The following GPC5 variants were observed in gnomAD, a reference collection of about 807,000 sequenced individuals.
GPC5 encodes glypican-5.
A neutral mutation model predicts 53.9 loss-of-function variants in GPC5; 47 were observed. That is an observed-to-expected ratio of 0.87 (90% CI 0.69 to 1.11). GPC5 has a LOEUF of 1.11. Among genes scored for constraint, GPC5 ranks in the 50% most tolerant of loss-of-function variants. The pLI is 0.00. For synonymous variants in GPC5, 286 were observed against 263.3 expected (o/e 1.09, Z -0.84); for missense variants, 748 against 713.1 (o/e 1.05, Z -0.56).
intron 6 of GPC5, among the ~76,000 whole-genome samples, chr13:91,931,516 T>G (rs561422686): frequency 6.6e-6 from 1 of 152,144 alleles, no homozygotes; most frequent in South Asian, 2.1e-4. Flanking sequence ...GGAATTTCTG[T>G]GCCTACTTGA....
chr13:91,728,463 T>C, intron 3 of GPC5, 69 bp from the exon 4 acceptor site: 1 of 1,500,304 alleles, frequency 6.7e-7, no homozygotes, highest in Non-Finnish European at 9.0e-7. Flanking sequence ...TTGGGCCCTA[T>C]GAAACATCAC....
At chr13:91,729,527 T>C (rs2036648800) in intron 4 of GPC5, among the ~76,000 whole-genome samples, 2 of 152,170 alleles carry the variant, frequency 1.3e-5, no homozygotes, top group South Asian at 4.1e-4. Context: ...CACATAAGCT[T>C]TCTATAATCT....
intron 6 of GPC5, among the ~76,000 whole-genome samples, chr13:92,131,587 A>G (rs2041743702): frequency 6.6e-6 from 1 of 152,066 alleles, no homozygotes; most frequent in Non-Finnish European, 1.5e-5. Flanking sequence ...GAGCATGTAT[A>G]CTGCATGATA....
chr13:92,264,878 CTGTGTGTGTGTGTG>C (rs71815584), intron 7 of GPC5, among the ~76,000 whole-genome samples: 10,072 of 104,644 alleles, frequency 0.096, 404 homozygotes, highest in Middle Eastern at 0.15. Flanking sequence ...CTCTCTCTCT[CTGTGTGTGTGTGTG>C]TGTGTGTGTG....
chr13:92,614,959 A>G (rs923281545), intron 7 of GPC5, among the ~76,000 whole-genome samples: 8 of 152,222 alleles, frequency 5.3e-5, no homozygotes, highest in African/African-American at 1.7e-4. Flanking sequence ...AAACTTTTGT[A>G]TAAGTTCCAA....
Position 91,825,245 on chromosome 13 carries a change from C to A in GPC5, c.1280+68825C>A, listed in dbSNP as rs147885671. Among the ~76,000 whole-genome samples the A allele has an allele frequency of 4.5e-3, 687 of 152,062 alleles. 3 individuals carry two copies. Among genetic ancestry groups the A allele is most frequent in the Non-Finnish European group, 7.8e-3 (527 of 67,960 alleles). Reference sequence around the variant, plus strand: ...TAATTGATTTTTATTCTGTACCTAACTTTTTGAACTTGCCCAAGCAGCAGT... The same window carrying A: ...TAATTGATTTTTATTCTGTACCTAAATTTTTGAACTTGCCCAAGCAGCAGT... On this transcript the variant is annotated intron_variant, in intron 5 of 7. Transcript: ENST00000377067.
At chr13:92,800,580 C>T (rs1876864919) in intron 7 of GPC5, among the ~76,000 whole-genome samples, 1 of 151,836 alleles carries the variant, frequency 6.6e-6, no homozygotes, top group Non-Finnish European at 1.5e-5. Flanking sequence ...CAGGATCTTG[C>T]TCCTGCTTTA....
At chr13:91,424,361 C>CTTTTTTT (rs781733611) in intron 1 of GPC5, among the ~76,000 whole-genome samples, 1 of 113,458 alleles carries the variant, frequency 8.8e-6, no homozygotes, top group South Asian at 3.3e-4. Context: ...TCCAGTACTG[C>CTTTTTTT]TTTTTTTTTT....
chr13:91,542,708 AGT>A (rs1202752778), intron 2 of GPC5, among the ~76,000 whole-genome samples: 1 of 151,872 alleles, frequency 6.6e-6, no homozygotes, highest in Non-Finnish European at 1.5e-5. Flanking sequence ...TTTGAGACAG[AGT>A]GTTCCTCTTA....
At chr13:92,230,448 A>T (rs1332429085) in intron 7 of GPC5, among the ~76,000 whole-genome samples, 3 of 152,118 alleles carry the variant, frequency 2.0e-5, no homozygotes, top group African/African-American at 7.2e-5. Flanking sequence ...AATAATCAAC[A>T]CTGAAATAAT....
intron 7 of GPC5, among the ~76,000 whole-genome samples, chr13:92,799,668 C>T (rs932235218): frequency 1.3e-5 from 2 of 151,690 alleles, no homozygotes; most frequent in African/African-American, 4.8e-5. Context: ...AATTGTGATT[C>T]TTTAGTCCTT....
intron 7 of GPC5, among the ~76,000 whole-genome samples, chr13:92,421,147 T>C (rs1876540436): frequency 6.6e-6 from 1 of 152,198 alleles, no homozygotes; most frequent in South Asian, 2.1e-4. Flanking sequence ...TTTGCCAAGT[T>C]CCATAACTTG....
intron 6 of GPC5, chr13:91,995,415 A>G (rs1227341487): frequency 6.6e-6 from 1 of 152,224 alleles, no homozygotes; most frequent in Non-Finnish European, 1.5e-5. Context: ...GAAAAGGTAA[A>G]AAAGTAAGAG....
chr13:91,563,420 A>C (rs1168579557), intron 2 of GPC5, among the ~76,000 whole-genome samples: 1 of 152,202 alleles, frequency 6.6e-6, no homozygotes, highest in Non-Finnish European at 1.5e-5. Context: ...AGAAAATGAA[A>C]ACGGTTTTAG....
chr13:91,960,564 T>C (rs569414639), intron 6 of GPC5, among the ~76,000 whole-genome samples: 1 of 152,040 alleles, frequency 6.6e-6, no homozygotes, highest in South Asian at 2.1e-4. Flanking sequence ...AAAACAACTC[T>C]AAAATTTGTG....
intron 7 of GPC5, among the ~76,000 whole-genome samples, chr13:92,578,244 G>T (rs1423867641): frequency 6.6e-6 from 1 of 152,156 alleles, no homozygotes. Flanking sequence ...GTTAGCCCCA[G>T]ATAGCACTAA....
intron 5 of GPC5, among the ~76,000 whole-genome samples, chr13:91,813,613 G>T (rs1332623861): frequency 6.6e-6 from 1 of 152,160 alleles, no homozygotes; most frequent in East Asian, 1.9e-4. Flanking sequence ...TTCAAATCAG[G>T]AGTGGGGGTT....
intron 7 of GPC5, among the ~76,000 whole-genome samples, chr13:92,766,941 T>C (rs1875427074): frequency 6.6e-6 from 1 of 152,210 alleles, no homozygotes; most frequent in Non-Finnish European, 1.5e-5. Flanking sequence ...GTTGCTATGT[T>C]CCATGCTATG....
At chr13:92,176,131 A>G (rs1345338969) in intron 7 of GPC5, among the ~76,000 whole-genome samples, 1 of 152,228 alleles carries the variant, frequency 6.6e-6, no homozygotes, top group African/African-American at 2.4e-5. Flanking sequence ...GACTTTAGAA[A>G]ATACAAATTA....
Sources: allele counts gnomAD v4.1 joint callset (sites outside exome capture counted in the v4.1 genomes callset), GRCh38; gene constraint gnomAD v4.1.1; transcripts MANE v1.5; gene names NCBI Gene and HGNC (gene_info 2026-07-23, HGNC 2026-07-21).